Variants in DGKB observed in about 807,000 individuals in gnomAD.
The protein encoded by DGKB is 90 kDa diacylglycerol kinase.
DGKB carries 67 observed loss-of-function variants against 114.3 expected under a neutral mutation model. The ratio of observed to expected loss-of-function variants is 0.59; its 90% confidence interval spans 0.48 to 0.72. The LOEUF (loss-of-function observed/expected upper bound fraction) is 0.72. Among genes scored for constraint, DGKB ranks in the 30% least tolerant of loss-of-function variants. The probability of loss-of-function intolerance (pLI) is 0.00; values close to 1 mark genes in which losing one functional copy is unlikely to be tolerated. For missense variants in DGKB, 907 were observed against 975.2 expected (o/e 0.93, Z 0.93); for synonymous variants, 398 against 323.1 (o/e 1.23, Z -2.49).
At chr7:14,235,119 C>A (rs1023099271) in intron 23 of DGKB, among the ~76,000 whole-genome samples, 13 of 152,188 alleles carry the variant, frequency 8.5e-5, no homozygotes, top group African/African-American at 2.4e-4. Context: ...CTAACAGGGT[C>A]ACCTGGTAAA....
chr7:14,439,352 C>G (rs1047302798), intron 21 of DGKB, among the ~76,000 whole-genome samples: 4 of 152,014 alleles, frequency 2.6e-5, no homozygotes, highest in Non-Finnish European at 4.4e-5. Context: ...TATCTAAAGT[C>G]TTTGCTTGAA....
chr7:14,171,057 G>C (rs1184908998), intron 25 of DGKB, among the ~76,000 whole-genome samples: 4 of 152,182 alleles, frequency 2.6e-5, no homozygotes, highest in Non-Finnish European at 5.9e-5. Context: ...AAGACAGCAA[G>C]ACTAGCAGGC....
At chr7:14,345,533 A>C (rs1489911750) in intron 21 of DGKB, 142 bp from the exon 22 acceptor site, 2 of 541,492 alleles carry the variant, frequency 3.7e-6, no homozygotes, top group Admixed American at 6.9e-5. Context: ...TGGTCATATA[A>C]TTTTCAAAGC....
chr7:14,535,036 G>GTATA (rs994597572), intron 20 of DGKB, among the ~76,000 whole-genome samples: 5 of 152,134 alleles, frequency 3.3e-5, no homozygotes, highest in African/African-American at 1.2e-4. Context: ...AGCAAAAGCA[G>GTATA]TATGAAGAGG....
chr7:14,696,520 A>T (rs1410262448), intron 8 of DGKB, among the ~76,000 whole-genome samples: 1 of 147,724 alleles, frequency 6.8e-6, no homozygotes, highest in African/African-American at 2.5e-5. Flanking sequence ...AAAAAAAAAA[A>T]AAAAAAAAAA....
chr7:14,401,292 T>G (rs2128726210), intron 21 of DGKB, among the ~76,000 whole-genome samples: 1 of 152,044 alleles, frequency 6.6e-6, no homozygotes, highest in Non-Finnish European at 1.5e-5. Context: ...TGAACATAGC[T>G]GTTGGATTTC....
At position 14,841,310 on chromosome 7, in the gene DGKB, T is replaced by A. The variant is rs1408335304; in HGVS notation, c.-47A>T. ...CACATACCAGGTAAAAGATTCTTTA[T>A]TCAGGTGTTGCGCAGAGGTCTATGC... On this transcript the variant is annotated 5_prime_UTR_variant, in exon 2 of 26. Coordinates refer to ENST00000402815, the MANE Select transcript of DGKB (RefSeq NM_001350709.2). The A allele has an allele frequency of 6.4e-7, 1 of 1,559,718 alleles. No individual in the cohort carries two copies. Among genetic ancestry groups the A allele is most frequent in the Non-Finnish European group, 8.8e-7 (1 of 1,134,608 alleles).
chr7:14,621,155 T>C, intron 15 of DGKB: 1 of 421,900 alleles, frequency 2.4e-6, no homozygotes, highest in Non-Finnish European at 4.2e-6. Context: ...CAATTTGAGT[T>C]TAAATGGAGA....
At position 14,831,795 on chromosome 7, in the gene DGKB, T is replaced by C. The variant is rs554892444; in HGVS notation, c.70+9399A>G. Among the ~76,000 whole-genome samples the C allele has an allele frequency of 3.7e-4, 57 of 152,196 alleles. 2 individuals are homozygous for C. In the South Asian group the frequency reaches 4.6e-3, roughly 12 times the overall value. On this transcript the variant is annotated intron_variant, in intron 2 of 25. Transcript: ENST00000402815. ...ATGGTCTTTGTTGTAAAATGCCTTTTTGAGTATCAGAAAATAATCATTGCT... is the reference window on the plus strand; with the variant it reads ...ATGGTCTTTGTTGTAAAATGCCTTTCTGAGTATCAGAAAATAATCATTGCT...
chr7:14,797,558 G>C (rs990727420), intron 2 of DGKB, among the ~76,000 whole-genome samples: 1 of 152,008 alleles, frequency 6.6e-6, no homozygotes, highest in Non-Finnish European at 1.5e-5. Context: ...GGCTTTTTCA[G>C]AGGCTCTCCT....
At chr7:14,542,225 C>T (rs909158406) in intron 20 of DGKB, among the ~76,000 whole-genome samples, 8 of 152,076 alleles carry the variant, frequency 5.3e-5, no homozygotes, top group African/African-American at 1.9e-4. Context: ...TTGCTAGTTG[C>T]CCAGGCTGGT....
chr7:14,437,508 T>C (rs1446962277), intron 21 of DGKB, among the ~76,000 whole-genome samples: 1 of 152,074 alleles, frequency 6.6e-6, no homozygotes, highest in Non-Finnish European at 1.5e-5. Flanking sequence ...AATATATTTT[T>C]TAAAGTTTCT....
chr7:14,761,609 G>A (rs1161389905), intron 2 of DGKB, among the ~76,000 whole-genome samples: 4 of 152,174 alleles, frequency 2.6e-5, no homozygotes, highest in East Asian at 3.9e-4. Flanking sequence ...AACAGAGGAA[G>A]TTATACCTGG....
intron 25 of DGKB, among the ~76,000 whole-genome samples, chr7:14,170,764 A>G (rs1780872044): frequency 2.0e-5 from 3 of 152,164 alleles, no homozygotes; most frequent in Non-Finnish European, 2.9e-5. Flanking sequence ...AATAGTCTGT[A>G]TTTTAAAGTT....
At chr7:14,563,919 G>A (rs1032910702) in intron 20 of DGKB, among the ~76,000 whole-genome samples, 2 of 151,936 alleles carry the variant, frequency 1.3e-5, no homozygotes, top group African/African-American at 4.8e-5. Flanking sequence ...GCTCAGCCAG[G>A]GGAATGAAAA....
At chr7:14,271,289 C>T (rs1798238556) in intron 23 of DGKB, among the ~76,000 whole-genome samples, 1 of 152,094 alleles carries the variant, frequency 6.6e-6, no homozygotes, top group Non-Finnish European at 1.5e-5. Flanking sequence ...AACTGTGTTG[C>T]TCACTATTTT....
intron 1 of DGKB, among the ~76,000 whole-genome samples, chr7:14,960,295 G>C (rs1438007357): frequency 1.3e-5 from 2 of 151,994 alleles, no homozygotes; most frequent in African/African-American, 4.8e-5. Flanking sequence ...TTGGAAAATT[G>C]TGATCTATTT....
At chr7:14,374,269 T>TA (rs1818143418) in intron 21 of DGKB, among the ~76,000 whole-genome samples, 1 of 152,206 alleles carries the variant, frequency 6.6e-6, no homozygotes, top group South Asian at 2.1e-4. Flanking sequence ...GACTTTGGTT[T>TA]AGGAGGGGTT....
At chr7:14,503,054 C>T (rs1584429392) in intron 20 of DGKB, among the ~76,000 whole-genome samples, 1 of 152,152 alleles carries the variant, frequency 6.6e-6, no homozygotes, top group South Asian at 2.1e-4. Context: ...CTGTTTTTCT[C>T]CCTTGTGATT....
Sources: allele counts gnomAD v4.1 joint callset (sites outside exome capture counted in the v4.1 genomes callset), GRCh38; gene constraint gnomAD v4.1.1; transcripts MANE v1.5; gene names NCBI Gene and HGNC (gene_info 2026-07-23, HGNC 2026-07-21).